P2RX6: variants seen among roughly 807,000 people sequenced by gnomAD.
P2RX6 encodes the protein P2X purinoceptor 6.
Under a neutral mutation model 54.2 loss-of-function variants are expected in P2RX6, and 62 were observed. The ratio of observed to expected loss-of-function variants is 1.14; its 90% confidence interval spans 0.93 to 1.41. The LOEUF (loss-of-function observed/expected upper bound fraction) is 1.41. Ranked by LOEUF, P2RX6 falls within the 40% of genes most tolerant of loss-of-function variation. The pLI, the probability that P2RX6 is intolerant of heterozygous loss-of-function variation, is 0.00. For missense variants in P2RX6, 541 were observed against 566.3 expected (o/e 0.96, Z 0.45); for synonymous variants, 211 against 231.9 (o/e 0.91, Z 0.82).
At position 21,026,761 on chromosome 22, in the gene P2RX6, T is replaced by G. The variant is rs1292017927; in HGVS notation, c.*144T>G. The G allele has an allele frequency of 2.8e-6, 4 of 1,423,064 alleles. No individual in the cohort carries two copies. In the African/African-American group the frequency reaches 5.8e-5, roughly 20 times the overall value. The allele number at this position is 1,423,064 out of a possible 1,614,324, so 88.2% of individuals were successfully genotyped here. Reference sequence around the variant, plus strand: ...GACAGTCCCTCCCCTGACTCCCACCTTGGTAGGGTGCTGCCTCAGGGAGCC... The same window carrying G: ...GACAGTCCCTCCCCTGACTCCCACCGTGGTAGGGTGCTGCCTCAGGGAGCC... On this transcript the variant is annotated 3_prime_UTR_variant, in exon 12 of 12. Coordinates refer to ENST00000413302, the MANE Select transcript of P2RX6 (RefSeq NM_005446.5). The surrounding 1 kb of genome is among the most constrained non-coding windows in gnomAD (Gnocchi z 4.0).
In P2RX6 at chr22:21,026,104, A is replaced by C. The variant is rs1928399646; in HGVS notation, c.1050+28A>C. 1.3e-6 allele frequency: 2 copies of C among 1,597,880 alleles called. No homozygotes were observed. The highest frequency in any genetic ancestry group is 1.7e-6 in the Non-Finnish European group (2 of 1,172,306). On this transcript the variant is annotated intron_variant, in intron 10 of 11. Coordinates refer to ENST00000413302, the MANE Select transcript of P2RX6 (RefSeq NM_005446.5). This position sits in a 1 kb window ranked among gnomAD's most constrained non-coding sequence, Gnocchi z 4.0. ...GAGTGCGAGCACTGTGGGCACCTGC[A>C]GGCTGCAGTGAGTGCTGCTGACCAG...
intron 8 of P2RX6, among the ~76,000 whole-genome samples, chr22:21,025,197 G>A (rs547209213): frequency 6.6e-6 from 1 of 152,232 alleles, no homozygotes; most frequent in South Asian, 2.1e-4. Context: ...TTCATAAATT[G>A]CATTTATTAT....
intron 6 of P2RX6, 35 bp from the exon 7 acceptor site, chr22:21,023,240 C>T (rs1927766934): frequency 3.1e-6 from 5 of 1,613,846 alleles, no homozygotes; most frequent in Admixed American, 1.7e-5. Context: ...CCCTCCTTGT[C>T]CCCTACCTCA....
rs1163195251 is a variant in P2RX6 at position 21,025,820 on chromosome 22, G to A, written c.906G>A (p.Trp302Ter). 6.4e-7 allele frequency: 1 copy of A among 1,561,210 alleles called. No individual in the cohort carries two copies. The highest frequency in any genetic ancestry group is 2.4e-5 in the East Asian group (1 of 41,602). The change falls in exon 9 of 12, where the codon TGG (tryptophan) becomes TGA (stop). Residue 302 changes from tryptophan (W) to a stop codon, truncating the protein, a stop_gained. Coordinates refer to ENST00000413302, the MANE Select transcript of P2RX6 (RefSeq NM_005446.5). LOFTEE classifies it high-confidence loss of function. ...KSYNFRTATH[W>*]WEQPGVEART... ...CTGCCCACAGGACAGCCACTCACTG[G>A]TGGGAGCAACCGGGTGTGGAGGCCC... is the stretch of plus-strand genomic sequence containing the variant.
chr22:21,021,277 G>A (rs1927358783), intron 3 of P2RX6, among the ~76,000 whole-genome samples: 1 of 152,162 alleles, frequency 6.6e-6, no homozygotes, highest in African/African-American at 2.4e-5. Context: ...GTGCCTGGCA[G>A]GAGCTAAACT....
In P2RX6 at chr22:21,026,584, C is replaced by A; in HGVS notation, c.1293C>A (p.Asp431Glu). The A allele has an allele frequency of 6.3e-7, 1 of 1,589,802 alleles. No homozygotes were observed. Among genetic ancestry groups the A allele is most frequent in the South Asian group, 1.2e-5 (1 of 86,840 alleles). Residue 431 changes from aspartate to glutamate, a missense_variant, in exon 12 of 12, where the codon GAC (aspartate) becomes GAA (glutamate). Asp to Glu is a conservative substitution (Grantham distance 45). Coordinates refer to ENST00000413302, the MANE Select transcript of P2RX6 (RefSeq NM_005446.5). The surrounding 1 kb of genome is among the most constrained non-coding windows in gnomAD (Gnocchi z 4.0). Reference protein sequence around the residue: ...QTPGWPCPSSDTHLPTHSGSL With the variant: ...QTPGWPCPSSETHLPTHSGSL ...CAGGATGGCCCTGTCCAAGTTCTGA[C>A]ACCCACTTGCCAACCCATTCCGGGA...
chr22:21,023,223 C>T (rs1927762776), intron 6 of P2RX6, 25 bp downstream of exon 6: 4 of 1,613,012 alleles, frequency 2.5e-6, no homozygotes, highest in Non-Finnish European at 3.4e-6. Context: ...TCTCATCTGC[C>T]CCAAGACCCT....
In P2RX6 at chr22:21,015,925, C is replaced by T. The variant is rs564838827; in HGVS notation, c.165-17C>T. 30 of 1,548,904 alleles carry T rather than the reference C, an allele frequency of 1.9e-5. No homozygotes were observed. In the Admixed American group the frequency reaches 2.0e-4, roughly 10 times the overall value. ...CACGCTGGGGACACACCACACTGCC[C>T]GACTTCTCCTCCCCAGGTGGGCTCT... On this transcript the variant is annotated splice_polypyrimidine_tract_variant and intron_variant, in intron 1 of 11. Transcript: ENST00000413302.
Position 21,026,805 on chromosome 22 carries a change from T to C in P2RX6, c.*188T>C. The C allele has an allele frequency of 1.6e-6, 2 of 1,258,186 alleles. No homozygotes were observed. The highest frequency in any genetic ancestry group is 2.9e-5 in the Admixed American group (1 of 34,842). The allele number at this position is 1,258,186 out of a possible 1,614,324, so 77.9% of individuals were successfully genotyped here. On this transcript the variant is annotated 3_prime_UTR_variant, in exon 12 of 12. Transcript: ENST00000413302. This position sits in a 1 kb window ranked among gnomAD's most constrained non-coding sequence, Gnocchi z 4.0. ...GGGAGCCATAGAAGTCGGCTGTGTT[T>C]TGAGACGGCGACAGAACCTGACCCG... is the stretch of plus-strand genomic sequence containing the variant.
intron 2 of P2RX6, among the ~76,000 whole-genome samples, chr22:21,017,212 C>T (rs2148014498): frequency 1.3e-5 from 2 of 152,316 alleles, no homozygotes; most frequent in African/African-American, 4.8e-5. Context: ...CTTCTACCCT[C>T]AGGAATTCCC....
In P2RX6 at chr22:21,024,946, T is replaced by C. The variant is rs552448342; in HGVS notation, c.891-859T>C. On this transcript the variant is annotated intron_variant, in intron 8 of 11. Coordinates refer to ENST00000413302, the MANE Select transcript of P2RX6 (RefSeq NM_005446.5). Reference sequence around the variant, plus strand: ...CCCAGACTGGAGTGCAGTGGCCCGATCTCGGCTCACTGCAATCTTTGCCTC... The same window carrying C: ...CCCAGACTGGAGTGCAGTGGCCCGACCTCGGCTCACTGCAATCTTTGCCTC... Among the ~76,000 whole-genome samples, 21 of 143,388 alleles carry C rather than the reference T, an allele frequency of 1.5e-4. No homozygotes were observed. In the East Asian group the frequency reaches 3.3e-3, roughly 22 times the overall value. The allele number at this position is 143,388 out of a possible 152,430, so 94.1% of individuals were successfully genotyped here. A position where few individuals can be genotyped will look rare whatever the true frequency, so the allele number is the denominator to read the frequency against.
intron 3 of P2RX6, among the ~76,000 whole-genome samples, chr22:21,019,242 T>C (rs1452924242): frequency 2.0e-5 from 3 of 152,236 alleles, no homozygotes; most frequent in Non-Finnish European, 4.4e-5. Context: ...CCCTGGTGGC[T>C]GGTCCTAGCA....
At chr22:21,024,609 A>G (rs5761950) in intron 8 of P2RX6, among the ~76,000 whole-genome samples, 115,579 of 151,674 alleles carry the variant, frequency 0.76, 45,089 homozygotes, top group East Asian at 0.96. Context: ...ACTTTCTTGT[A>G]GTCCAGGCTG....
chr22:21,022,213 A>T (rs1212685164), intron 3 of P2RX6, among the ~76,000 whole-genome samples: 1 of 152,144 alleles, frequency 6.6e-6, no homozygotes, highest in Admixed American at 6.5e-5. Flanking sequence ...ACAAAAAAAA[A>T]ATATTAAAAA....
intron 8 of P2RX6, 52 bp from the exon 9 acceptor site, chr22:21,025,753 C>A: frequency 7.0e-7 from 1 of 1,420,636 alleles, no homozygotes; most frequent in Non-Finnish European, 9.7e-7. Flanking sequence ...AGGGCCAGCC[C>A]CACCTGGGGG....
intron 8 of P2RX6, among the ~76,000 whole-genome samples, chr22:21,024,160 T>C (rs1164465920): frequency 6.6e-6 from 1 of 151,796 alleles, no homozygotes; most frequent in Non-Finnish European, 1.5e-5. Context: ...GTTTTCACAA[T>C]GTTGGCCAGG....
At chr22:21,019,672 T>C (rs984368287) in intron 3 of P2RX6, among the ~76,000 whole-genome samples, 2 of 152,280 alleles carry the variant, frequency 1.3e-5, no homozygotes, top group African/African-American at 4.8e-5. Context: ...CACATAAATA[T>C]AGAGGTGTGG....
At chr22:21,016,672 T>C (rs1926450437) in intron 2 of P2RX6, among the ~76,000 whole-genome samples, 4 of 151,438 alleles carry the variant, frequency 2.6e-5, no homozygotes, top group African/African-American at 9.7e-5. Flanking sequence ...CCAGGACTAA[T>C]GGCTTGAGCT....
At chr22:21,013,954 A>T (rs1925931967), upstream of P2RX6, 2 of 152,502 alleles carry the variant, frequency 1.3e-5, no homozygotes, top group Admixed American at 1.3e-4. Context: ...GACGCCCCGC[A>T]GAGGGCTACG....
Sources: allele counts gnomAD v4.1 joint callset (sites outside exome capture counted in the v4.1 genomes callset), GRCh38; gene constraint gnomAD v4.1.1; non-coding constraint Gnocchi (gnomAD v3.1); transcripts MANE v1.5; gene names NCBI Gene and HGNC (gene_info 2026-07-23, HGNC 2026-07-21).